The following EML5 variants were observed in gnomAD, a reference collection of about 807,000 sequenced individuals.
The protein encoded by EML5 is EMAP like 5, also known as echinoderm microtubule-associated protein-like 5.
EML5 carries 120 observed loss-of-function variants against 250.0 expected under a neutral mutation model. The observed-to-expected ratio is 0.48, with a 90% CI of 0.41 to 0.56. The LOEUF is 0.56. EML5 is among the 20% of genes least tolerant of loss of function. The probability of loss-of-function intolerance (pLI) is 0.00; values close to 1 mark genes in which losing one functional copy is unlikely to be tolerated. For synonymous variants in EML5, 771 were observed against 806.5 expected, an observed-to-expected ratio of 0.96 and a Z score of 0.75; for missense variants, 2,006 against 2,437.6, an observed-to-expected ratio of 0.82 and a Z score of 3.73.
chr14:88,767,824 GGAA>G (rs1411247023), intron 1 of EML5, among the ~76,000 whole-genome samples: 1 of 151,876 alleles, frequency 6.6e-6, no homozygotes, highest in Non-Finnish European at 1.5e-5. Context: ...ATAGTAATCG[GGAA>G]GAAGAAGGAA....
Position 88,618,278 on chromosome 14 carries a change from A to G in EML5, c.5592T>C (p.His1864=), listed in dbSNP as rs1478966288. Reference sequence around the variant, plus strand: ...TGTCAATAGCGGCATGATCCATAAGATGTTTTCCTGAAGGCACTTCATAGA... The same window carrying G: ...TGTCAATAGCGGCATGATCCATAAGGTGTTTTCCTGAAGGCACTTCATAGA... ...RHVYEVPSGK[H]LMDHAAIDRI... The change falls in exon 41 of 44, where the codon CAT becomes CAC. Residue 1864 remains histidine, a synonymous_variant. Transcript: ENST00000554922. 3 of 1,613,730 alleles carry G rather than the reference A, an allele frequency of 1.9e-6. No individual in the cohort carries two copies. The African/African-American group carries it at 4.0e-5, about 22-fold the overall frequency.
At chr14:88,685,823 C>T (rs914013123) in intron 19 of EML5, among the ~76,000 whole-genome samples, 4 of 152,082 alleles carry the variant, frequency 2.6e-5, no homozygotes, top group Non-Finnish European at 4.4e-5. Context: ...AGCTGTTATA[C>T]TGTATTTTTA....
chr14:88,767,762 TC>T (rs2094339237), intron 1 of EML5, among the ~76,000 whole-genome samples: 1 of 152,244 alleles, frequency 6.6e-6, no homozygotes, highest in Admixed American at 6.5e-5. Context: ...AGTACAGTTT[TC>T]TTGTATCCCT....
At chr14:88,693,040 T>C (rs900994800) in intron 17 of EML5, among the ~76,000 whole-genome samples, 48 of 152,216 alleles carry the variant, frequency 3.2e-4, no homozygotes, top group African/African-American at 1.2e-3. Context: ...ATTTTATAGT[T>C]ACAAATGACT....
At chr14:88,751,900 A>G (rs2094101786) in intron 2 of EML5, among the ~76,000 whole-genome samples, 1 of 152,212 alleles carries the variant, frequency 6.6e-6, no homozygotes, top group Admixed American at 6.5e-5. Flanking sequence ...GGAAGTATCC[A>G]TAAAAAATTT....
At chr14:88,780,511 C>T (rs541704155) in intron 1 of EML5, among the ~76,000 whole-genome samples, 1 of 152,214 alleles carries the variant, frequency 6.6e-6, no homozygotes, top group African/African-American at 2.4e-5. Flanking sequence ...GCTCACATGA[C>T]TGTGAGGATC....
Position 88,620,694 on chromosome 14 carries a change from T to C in EML5, c.5375+60A>G. On this transcript the variant is annotated intron_variant, in intron 39 of 43. Coordinates refer to ENST00000554922, the MANE Select transcript of EML5 (RefSeq NM_183387.3). This position sits in a 1 kb window ranked among gnomAD's most constrained non-coding sequence, Gnocchi z 4.3. ...TTTTGAAGGCAAGGCTATGGAAAAT[T>C]TTACAAATGGAAGTTAAATCAAGTA... 1 of 1,379,778 alleles carries C rather than the reference T, an allele frequency of 7.2e-7. No individual in the cohort carries two copies. The highest frequency in any genetic ancestry group is 9.4e-7 in the Non-Finnish European group (1 of 1,060,320). 85.5% of individuals were successfully genotyped at this position (1,379,778 alleles called of 1,614,324 possible).
At chr14:88,731,438 T>C (rs2140144189) in intron 7 of EML5, among the ~76,000 whole-genome samples, 1 of 152,312 alleles carries the variant, frequency 6.6e-6, no homozygotes, top group Non-Finnish European at 1.5e-5. Context: ...ATGGTGTATA[T>C]GTGCCACATT....
At chr14:88,779,061 T>C (rs769429034) in intron 1 of EML5, among the ~76,000 whole-genome samples, 2 of 152,220 alleles carry the variant, frequency 1.3e-5, no homozygotes, top group Non-Finnish European at 2.9e-5. Flanking sequence ...CAACCATCAA[T>C]GTTCAAGGTA....
intron 7 of EML5, among the ~76,000 whole-genome samples, chr14:88,729,882 T>G (rs1403181139): frequency 6.6e-6 from 1 of 150,936 alleles, no homozygotes; most frequent in African/African-American, 2.5e-5. Flanking sequence ...TTTTTTTTTT[T>G]GTTTTTTTAA....
intron 1 of EML5, among the ~76,000 whole-genome samples, chr14:88,780,081 A>T (rs1797033460): frequency 6.6e-6 from 1 of 152,042 alleles, no homozygotes. Flanking sequence ...CATCCCAAGT[A>T]GCTGGGATTA....
At chr14:88,767,902 C>A (rs1428821627) in intron 1 of EML5, among the ~76,000 whole-genome samples, 3 of 151,938 alleles carry the variant, frequency 2.0e-5, no homozygotes, top group Non-Finnish European at 4.4e-5. Context: ...CCATTTTTTC[C>A]ACTAATGTCT....
intron 2 of EML5, among the ~76,000 whole-genome samples, chr14:88,747,739 A>G (rs1435632469): frequency 1.3e-5 from 2 of 152,210 alleles, no homozygotes; most frequent in Non-Finnish European, 2.9e-5. Context: ...ATTCAATGGA[A>G]GAGTTAAATA....
intron 14 of EML5, among the ~76,000 whole-genome samples, chr14:88,699,400 T>G (rs1439371841): frequency 6.6e-6 from 1 of 151,498 alleles, no homozygotes; most frequent in Non-Finnish European, 1.5e-5. Context: ...CTTCCAACTC[T>G]GCATTAATGT....
chr14:88,785,242 GAGTT>G (rs1297973270), intron 1 of EML5, among the ~76,000 whole-genome samples: 2 of 152,152 alleles, frequency 1.3e-5, no homozygotes, highest in African/African-American at 4.8e-5. Flanking sequence ...TACAAAAAAA[GAGTT>G]AGAATGAATA....
Position 88,613,889 on chromosome 14 carries a change from G to A in EML5, c.*1929C>T, listed in dbSNP as rs1007664765. 9 of 152,118 alleles carry A rather than the reference G, an allele frequency of 5.9e-5. No individual in the cohort carries two copies. The highest frequency in any genetic ancestry group is 1.9e-4 in the African/African-American group (8 of 41,410). The allele number at this position is 152,118 out of a possible 1,614,324, so 9.4% of individuals were successfully genotyped here. A position where few individuals can be genotyped will look rare whatever the true frequency, so the allele number is the denominator to read the frequency against. On this transcript the variant is annotated 3_prime_UTR_variant, in exon 44 of 44. Coordinates refer to ENST00000554922, the MANE Select transcript of EML5 (RefSeq NM_183387.3). ...TATCATGTTTCTTCACCTTCCCCTC[G>A]TTGCTGGCTGATACAGCGAGGTGGT...
At chr14:88,701,094 A>G (rs896083786) in intron 14 of EML5, among the ~76,000 whole-genome samples, 1 of 152,096 alleles carries the variant, frequency 6.6e-6, no homozygotes, top group African/African-American at 2.4e-5. Context: ...GGGCAAAATT[A>G]ATCATTAGTT....
chr14:88,715,293 T>G (rs1208017795), intron 8 of EML5, 98 bp from the exon 9 acceptor site: 1 of 1,228,360 alleles, frequency 8.1e-7, no homozygotes, highest in Non-Finnish European at 1.1e-6. Context: ...CTGTATCAAG[T>G]GTTTATAAAC....
intron 21 of EML5, among the ~76,000 whole-genome samples, chr14:88,671,328 A>T (rs1378101851): frequency 1.3e-5 from 2 of 152,192 alleles, no homozygotes; most frequent in Admixed American, 6.5e-5. Context: ...AAGGAGAAAT[A>T]AACTCCTTTT....
Sources: allele counts gnomAD v4.1 joint callset (sites outside exome capture counted in the v4.1 genomes callset), GRCh38; gene constraint gnomAD v4.1.1; non-coding constraint Gnocchi (gnomAD v3.1); transcripts MANE v1.5; gene names NCBI Gene and HGNC (gene_info 2026-07-23, HGNC 2026-07-21).